ATP8A1: variants seen among roughly 807,000 people sequenced by gnomAD.
The protein encoded by ATP8A1 is ATPase phospholipid transporting 8A1.
A neutral mutation model predicts 177.7 loss-of-function variants in ATP8A1; 90 were observed. The observed-to-expected ratio is 0.51, with a 90% CI of 0.43 to 0.60. ATP8A1 has a LOEUF of 0.60. ATP8A1 is among the 20% of genes least tolerant of loss of function. The pLI is 0.00. For synonymous variants in ATP8A1, 493 were observed against 485.9 expected, an observed-to-expected ratio of 1.01 and a Z score of -0.19; for missense variants, 1,072 against 1,392.8, an observed-to-expected ratio of 0.77 and a Z score of 3.67.
At chr4:42,584,584 T>C (rs899145158) in intron 9 of ATP8A1, among the ~76,000 whole-genome samples, 14 of 152,222 alleles carry the variant, frequency 9.2e-5, no homozygotes, top group African/African-American at 3.4e-4. Context: ...GTTACCATCC[T>C]ATAAACTTGG....
At chr4:42,586,903 C>T (rs1377102347) in intron 8 of ATP8A1, among the ~76,000 whole-genome samples, 2 of 152,146 alleles carry the variant, frequency 1.3e-5, no homozygotes, top group African/African-American at 4.8e-5. Context: ...AGAAGGGAAA[C>T]TCCAAAACAG....
At chr4:42,444,157 G>A (rs1223079169) in intron 32 of ATP8A1, among the ~76,000 whole-genome samples, 1 of 152,136 alleles carries the variant, frequency 6.6e-6, no homozygotes, top group African/African-American at 2.4e-5. Context: ...TATCTAAAAT[G>A]GAACAAGACT....
rs200465318 is a variant in ATP8A1 at position 42,485,472 on chromosome 4, C to G, written c.2324+24G>C. 8 of 1,572,954 alleles carry G rather than the reference C, an allele frequency of 5.1e-6. No individual in the cohort carries two copies. The East Asian group carries it at 1.8e-4, about 36-fold the overall frequency. ...AGATCAAGTCATTCTTTACTAAAAT[C>G]TGACAATGATAAGGAGAACTTACCG... On this transcript the variant is annotated intron_variant, in intron 25 of 36. Coordinates refer to ENST00000381668, the MANE Select transcript of ATP8A1 (RefSeq NM_006095.2).
In ATP8A1 at chr4:42,472,224, A is replaced by C. The variant is rs917934437; in HGVS notation, c.2325-7148T>G. 6.8e-6 allele frequency: 4 copies of C among 587,560 alleles called. No individual in the cohort carries two copies. The African/African-American group carries it at 7.4e-5, about 11-fold the overall frequency. 36.4% of individuals were successfully genotyped at this position (587,560 alleles called of 1,614,324 possible). On this transcript the variant is annotated intron_variant, in intron 25 of 36. Transcript: ENST00000381668. ...TCCCAAGTGAAATTGTGGGCAAGAG[A>C]ATCTGTGTGAAACTGGATGACAGCC...
rs1022617543 is a variant in ATP8A1 at position 42,657,060 on chromosome 4, C to CGGTGGCGGCGAA, written c.-199_-188dup. On this transcript the variant is annotated 5_prime_UTR_variant, in exon 1 of 37. Coordinates refer to ENST00000381668, the MANE Select transcript of ATP8A1 (RefSeq NM_006095.2). ...GCCGACAGGAGGAGGAGAAAGGCAG[C>CGGTGGCGGCGAA]GGTGGCGGCGAAGGTGGCGGCGCCC... The CGGTGGCGGCGAA allele has an allele frequency of 3.0e-5, 15 of 500,186 alleles. No homozygotes were observed. Among genetic ancestry groups the CGGTGGCGGCGAA allele is most frequent in the South Asian group, 2.0e-4 (2 of 9,866 alleles). 31.0% of individuals were successfully genotyped at this position (500,186 alleles called of 1,614,324 possible). A position where few individuals can be genotyped will look rare whatever the true frequency, so the allele number is the denominator to read the frequency against.
intron 27 of ATP8A1, among the ~76,000 whole-genome samples, chr4:42,459,897 T>A (rs1228465987): frequency 6.6e-6 from 1 of 152,088 alleles, no homozygotes; most frequent in African/African-American, 2.4e-5. Flanking sequence ...GTTCACGCCA[T>A]TCTCCTGCCT....
chr4:42,460,066 C>T (rs1718936382), intron 27 of ATP8A1, among the ~76,000 whole-genome samples: 2 of 152,194 alleles, frequency 1.3e-5, no homozygotes, highest in Non-Finnish European at 2.9e-5. Context: ...GCTAGGATTA[C>T]AGGCGTGAGC....
At chr4:42,655,033 C>T (rs1741481479) in intron 1 of ATP8A1, among the ~76,000 whole-genome samples, 2 of 152,212 alleles carry the variant, frequency 1.3e-5, no homozygotes, top group South Asian at 4.1e-4. Flanking sequence ...AAACTGGAAT[C>T]AACTAATCTC....
chr4:42,530,530 T>A (rs1427626362), intron 20 of ATP8A1, among the ~76,000 whole-genome samples: 1 of 152,168 alleles, frequency 6.6e-6, no homozygotes, highest in South Asian at 2.1e-4. Context: ...ATGCATCCAC[T>A]GTCACAGTAT....
chr4:42,564,897 G>A (rs933837698), intron 15 of ATP8A1, among the ~76,000 whole-genome samples: 4 of 149,836 alleles, frequency 2.7e-5, no homozygotes, highest in East Asian at 3.9e-4. Flanking sequence ...GTTATAGGAG[G>A]GACCTGGTGG....
intron 1 of ATP8A1, among the ~76,000 whole-genome samples, chr4:42,652,615 G>A (rs1741206477): frequency 6.6e-6 from 1 of 151,964 alleles, no homozygotes; most frequent in African/African-American, 2.4e-5. Context: ...ATCTTAAATT[G>A]TTGCTCCCAT....
At chr4:42,583,924 T>C (rs745592827) in intron 9 of ATP8A1, among the ~76,000 whole-genome samples, 3 of 152,204 alleles carry the variant, frequency 2.0e-5, no homozygotes, top group Admixed American at 6.5e-5. Context: ...TGTCAGACTA[T>C]AGAAACAATA....
chr4:42,451,928 T>C, intron 30 of ATP8A1, 53 bp downstream of exon 30: 1 of 1,303,486 alleles, frequency 7.7e-7, no homozygotes, highest in Non-Finnish European at 1.1e-6. Flanking sequence ...AATGAGTTAT[T>C]TTTCTAAAAA....
At chr4:42,606,955 C>G (rs1735855051) in intron 5 of ATP8A1, among the ~76,000 whole-genome samples, 1 of 152,162 alleles carries the variant, frequency 6.6e-6, no homozygotes, top group South Asian at 2.1e-4. Context: ...TTATCCATTC[C>G]TTGAATTTTG....
chr4:42,542,759 C>G (rs1422084616), intron 20 of ATP8A1, among the ~76,000 whole-genome samples: 2 of 152,172 alleles, frequency 1.3e-5, no homozygotes, highest in African/African-American at 4.8e-5. Flanking sequence ...CTGCAAAGGA[C>G]ATGAACTCAT....
chr4:42,590,388 C>T (rs941626887), intron 7 of ATP8A1, among the ~76,000 whole-genome samples: 10 of 152,112 alleles, frequency 6.6e-5, no homozygotes, highest in African/African-American at 2.4e-4. Flanking sequence ...ATTTAAAATA[C>T]AAGAATAAGA....
chr4:42,508,420 C>A (rs1724674456), intron 22 of ATP8A1, among the ~76,000 whole-genome samples: 1 of 152,206 alleles, frequency 6.6e-6, no homozygotes, highest in Non-Finnish European at 1.5e-5. Flanking sequence ...TCACCACACC[C>A]AGCCAAAGCT....
chr4:42,580,594 A>AT (rs537233534), intron 10 of ATP8A1, among the ~76,000 whole-genome samples: 123 of 152,386 alleles, frequency 8.1e-4, no homozygotes, highest in Non-Finnish European at 1.7e-3. Context: ...AGAAAATTAA[A>AT]TGTCAGAATG....
chr4:42,459,185 G>C (rs1430125545), intron 27 of ATP8A1, among the ~76,000 whole-genome samples: 1 of 152,142 alleles, frequency 6.6e-6, no homozygotes, highest in Non-Finnish European at 1.5e-5. Flanking sequence ...ACTGTGTAAA[G>C]AATTTGATCA....
Sources: allele counts gnomAD v4.1 joint callset (sites outside exome capture counted in the v4.1 genomes callset), GRCh38; gene constraint gnomAD v4.1.1; transcripts MANE v1.5; gene names NCBI Gene and HGNC (gene_info 2026-07-23, HGNC 2026-07-21).